The following CNST variants were observed in gnomAD, a reference collection of about 807,000 sequenced individuals.
CNST encodes the protein consortin.
In CNST, 39 loss-of-function variants were observed where a neutral mutation model predicts 72.4. That is an observed-to-expected ratio of 0.54 (90% CI 0.42 to 0.70). CNST has a LOEUF of 0.70. Among genes scored for constraint, CNST ranks in the 30% least tolerant of loss-of-function variants. CNST has a pLI of 0.00. For synonymous variants in CNST, 332 were observed against 320.1 expected, an observed-to-expected ratio of 1.04 and a Z score of -0.40; for missense variants, 871 against 868.5, an observed-to-expected ratio of 1.00 and a Z score of -0.04.
At chr1:246,640,607 CTT>C (rs1665623432) in intron 6 of CNST, among the ~76,000 whole-genome samples, 1 of 152,292 alleles carries the variant, frequency 6.6e-6, no homozygotes, top group East Asian at 1.9e-4. Context: ...GGCTAAAAGA[CTT>C]TCCATTTTAT....
chr1:246,647,035 G>T, intron 8 of CNST, 104 bp from the exon 9 acceptor site: 1 of 1,035,452 alleles, frequency 9.7e-7, no homozygotes, highest in Non-Finnish European at 1.4e-6. Flanking sequence ...CATTTGAAAG[G>T]GTTAGAATAT....
At chr1:246,615,737 G>A (rs1160279527) in intron 2 of CNST, among the ~76,000 whole-genome samples, 1 of 151,640 alleles carries the variant, frequency 6.6e-6, no homozygotes, top group African/African-American at 2.4e-5. Flanking sequence ...AATTAGCCTG[G>A]CATGGTGATG....
chr1:246,659,361 A>C (rs145367108), intron 9 of CNST, among the ~76,000 whole-genome samples: 1 of 152,120 alleles, frequency 6.6e-6, no homozygotes, highest in Non-Finnish European at 1.5e-5. Flanking sequence ...TTGGGAGGCC[A>C]AGGCGGGCAG....
chr1:246,647,919 C>T lies in CNST; in HGVS notation c.1718C>T (p.Ser573Phe). Reference sequence around the variant, plus strand: ...TATGAAGATAACCAAGACGACGACTCCGATCTCCTTCAAGATCTCTCTCCT... The same window carrying T: ...TATGAAGATAACCAAGACGACGACTTCGATCTCCTTCAAGATCTCTCTCCT... ...LSYEDNQDDD[S>F]DLLQDLSPEE... Residue 573 changes from serine (S) to phenylalanine (F), a missense_variant, in exon 9 of 11, where the codon TCC (serine) becomes TTC (phenylalanine). Transcript: ENST00000366513. 1.2e-6 allele frequency: 2 copies of T among 1,613,812 alleles called. No individual in the cohort carries two copies. The highest frequency in any genetic ancestry group is 1.7e-6 in the Non-Finnish European group (2 of 1,179,924).
intron 6 of CNST, among the ~76,000 whole-genome samples, chr1:246,635,134 A>G (rs1665106705): frequency 6.6e-6 from 1 of 152,110 alleles, no homozygotes; most frequent in Non-Finnish European, 1.5e-5. Context: ...CTATTTGGTT[A>G]TAGAAAAAGG....
intron 6 of CNST, among the ~76,000 whole-genome samples, chr1:246,641,405 A>G (rs963056127): frequency 6.6e-6 from 1 of 152,248 alleles, no homozygotes; most frequent in Non-Finnish European, 1.5e-5. Context: ...TCTATTTTAG[A>G]CTAAAATGAC....
chr1:246,650,189 C>T (rs1666372878), intron 9 of CNST, among the ~76,000 whole-genome samples: 1 of 152,110 alleles, frequency 6.6e-6, no homozygotes, highest in Non-Finnish European at 1.5e-5. Flanking sequence ...GGAATATTCC[C>T]TCCTCAGACT....
intron 1 of CNST, among the ~76,000 whole-genome samples, chr1:246,580,885 C>T (rs921793032): frequency 4.6e-5 from 7 of 151,924 alleles, no homozygotes; most frequent in East Asian, 1.9e-4. Context: ...GGATTACAGG[C>T]GCGCGCCACC....
At chr1:246,641,803 G>C in intron 7 of CNST, 33 bp downstream of exon 7, 1 of 1,304,002 alleles carries the variant, frequency 7.7e-7, no homozygotes, top group Non-Finnish European at 1.1e-6. Flanking sequence ...TATATTTCTA[G>C]GAAAAATGTT....
Position 246,633,857 on chromosome 1 carries a change from T to C in CNST, c.617-67T>C. 4.7e-6 allele frequency: 5 copies of C among 1,067,464 alleles called. No individual in the cohort carries two copies. The South Asian group carries it at 6.6e-5, about 14-fold the overall frequency. The allele number at this position is 1,067,464 out of a possible 1,614,324, so 66.1% of individuals were successfully genotyped here. A position where few individuals can be genotyped will look rare whatever the true frequency, so the allele number is the denominator to read the frequency against. On this transcript the variant is annotated intron_variant, in intron 4 of 10. Coordinates refer to ENST00000366513, the MANE Select transcript of CNST (RefSeq NM_152609.3). ...CAAATTTCTCAACATCTATAGGACA[T>C]TGTTCTTCAAATATGGGAATAATGT... is the stretch of plus-strand genomic sequence containing the variant.
At chr1:246,610,279 G>A (rs374900248) in intron 2 of CNST, among the ~76,000 whole-genome samples, 4 of 151,424 alleles carry the variant, frequency 2.6e-5, no homozygotes, top group African/African-American at 9.8e-5. Flanking sequence ...AGACTCCGTC[G>A]CAAAAACAAA....
At chr1:246,615,301 G>A (rs1016554102) in intron 2 of CNST, among the ~76,000 whole-genome samples, 4 of 151,932 alleles carry the variant, frequency 2.6e-5, no homozygotes, top group East Asian at 2.0e-4. Context: ...TCAGCCTCCC[G>A]CGTAGCTGGG....
chr1:246,594,742 C>T (rs1480791579), intron 2 of CNST, among the ~76,000 whole-genome samples: 1 of 152,190 alleles, frequency 6.6e-6, no homozygotes, highest in South Asian at 2.1e-4. Context: ...GCACTCCAGT[C>T]TAGGCGATAG....
chr1:246,652,609 T>C (rs994339737), intron 9 of CNST, among the ~76,000 whole-genome samples: 1 of 152,194 alleles, frequency 6.6e-6, no homozygotes, highest in African/African-American at 2.4e-5. Context: ...CAGAAAAATA[T>C]ATTAAGTGTT....
intron 9 of CNST, among the ~76,000 whole-genome samples, chr1:246,650,337 A>G (rs1228087852): frequency 6.6e-6 from 1 of 152,168 alleles, no homozygotes; most frequent in African/African-American, 2.4e-5. Context: ...AAGCTATTTT[A>G]AGAACCCCAA....
rs1667375118 is a variant in CNST at position 246,665,964 on chromosome 1, C to T, written c.*59C>T. ...AGTGAAAGGCGGGAGACTTTCTAAA[C>T]AGTTTTTCTTTCAGGAATTCTGTAG... On this transcript the variant is annotated 3_prime_UTR_variant, in exon 11 of 11. Coordinates refer to ENST00000366513, the MANE Select transcript of CNST (RefSeq NM_152609.3). 1.6e-6 allele frequency: 2 copies of T among 1,274,946 alleles called. No homozygotes were observed. The highest frequency in any genetic ancestry group is 2.2e-6 in the Non-Finnish European group (2 of 895,140). 79.0% of individuals were successfully genotyped at this position (1,274,946 alleles called of 1,614,324 possible).
intron 1 of CNST, among the ~76,000 whole-genome samples, chr1:246,567,307 A>G (rs1409891102): frequency 6.6e-6 from 1 of 152,002 alleles, no homozygotes; most frequent in Non-Finnish European, 1.5e-5. Context: ...AAAAGACCCA[A>G]TTTTGAAGAC....
At chr1:246,654,221 G>A (rs1029818246) in intron 9 of CNST, among the ~76,000 whole-genome samples, 3 of 152,040 alleles carry the variant, frequency 2.0e-5, no homozygotes, top group East Asian at 1.9e-4. Flanking sequence ...TGGCCCCCTC[G>A]CCACCTCCCA....
chr1:246,656,660 TG>T (rs1666788717), intron 9 of CNST, among the ~76,000 whole-genome samples: 1 of 152,188 alleles, frequency 6.6e-6, no homozygotes, highest in Non-Finnish European at 1.5e-5. Flanking sequence ...AAGAATAGTC[TG>T]GGGCCGGGCA....
Sources: gnomAD v4.1 joint callset for allele counts (sites outside exome capture counted in the v4.1 genomes callset) on GRCh38, gnomAD v4.1.1 for gene constraint, MANE v1.5 for transcripts, NCBI Gene and HGNC (gene_info 2026-07-23, HGNC 2026-07-21) for gene names.